TAOK3: variants seen among roughly 807,000 people sequenced by gnomAD.
TAOK3 encodes TAO kinase 3.
A neutral mutation model predicts 120.4 loss-of-function variants in TAOK3; 40 were observed. That is an observed-to-expected ratio of 0.33 (90% CI 0.26 to 0.43). The LOEUF (loss-of-function observed/expected upper bound fraction) is 0.43, where lower values mean the gene tolerates loss of function less well. Ranked by LOEUF, TAOK3 falls within the 20% of genes least tolerant of loss-of-function variation. TAOK3 has a pLI of 1.00. For synonymous variants in TAOK3, 355 were observed against 387.5 expected (o/e 0.92, Z 0.99); for missense variants, 821 against 1,112.1 (o/e 0.74, Z 3.72).
At chr12:118,180,785 T>C (rs1593063514) in intron 15 of TAOK3, among the ~76,000 whole-genome samples, 2 of 152,138 alleles carry the variant, frequency 1.3e-5, no homozygotes, top group South Asian at 4.1e-4. Flanking sequence ...AAGCATCTTG[T>C]TTCCCTTTAC....
At chr12:118,340,944 A>G (rs1409751610) in intron 1 of TAOK3, among the ~76,000 whole-genome samples, 3 of 151,998 alleles carry the variant, frequency 2.0e-5, no homozygotes, top group Non-Finnish European at 4.4e-5. Context: ...CCTGTCTCAA[A>G]AGAACAAAAA....
chr12:118,178,944 A>T (rs1003122758), intron 15 of TAOK3, among the ~76,000 whole-genome samples: 1 of 152,214 alleles, frequency 6.6e-6, no homozygotes, highest in Admixed American at 6.5e-5. Flanking sequence ...TAGAGGGGGA[A>T]TTATGCTTCA....
chr12:118,302,017 T>G (rs533273929), intron 1 of TAOK3, among the ~76,000 whole-genome samples: 1 of 152,314 alleles, frequency 6.6e-6, no homozygotes, highest in South Asian at 2.1e-4. Flanking sequence ...AAAATGCCTC[T>G]TTTAGAATAT....
intron 11 of TAOK3, 103 bp from the exon 12 acceptor site, chr12:118,201,566 G>A (rs2038026609): frequency 6.3e-6 from 6 of 957,632 alleles, no homozygotes; most frequent in Non-Finnish European, 8.6e-6. Flanking sequence ...TAGTTCTATG[G>A]ATATTACAGA....
intron 12 of TAOK3, 39 bp from the exon 13 acceptor site, chr12:118,199,296 A>T: frequency 6.7e-7 from 1 of 1,495,424 alleles, no homozygotes; most frequent in African/African-American, 1.4e-5. Flanking sequence ...AAAAAGACTG[A>T]AGATAAAGAG....
chr12:118,334,579 A>C (rs2044283763), intron 1 of TAOK3, among the ~76,000 whole-genome samples: 1 of 152,144 alleles, frequency 6.6e-6, no homozygotes, highest in Non-Finnish European at 1.5e-5. Context: ...TGGATACTGA[A>C]AAATTTGTTT....
chr12:118,188,801 A>G (rs1246406483), intron 14 of TAOK3, among the ~76,000 whole-genome samples: 1 of 152,218 alleles, frequency 6.6e-6, no homozygotes, highest in Non-Finnish European at 1.5e-5. Flanking sequence ...CTTCCTGCCC[A>G]TGTGACCTCT....
intron 1 of TAOK3, among the ~76,000 whole-genome samples, chr12:118,290,583 G>T (rs2042433946): frequency 6.6e-6 from 1 of 152,084 alleles, no homozygotes; most frequent in Admixed American, 6.6e-5. Context: ...TTAGGAATCT[G>T]ATTTATTTAT....
chr12:118,347,670 C>A (rs2044926714), intron 1 of TAOK3, among the ~76,000 whole-genome samples: 1 of 152,200 alleles, frequency 6.6e-6, no homozygotes, highest in African/African-American at 2.4e-5. Flanking sequence ...CTTCTCTCAA[C>A]CTCTTAACAC....
chr12:118,303,610 G>A (rs759389579), intron 1 of TAOK3, among the ~76,000 whole-genome samples: 5 of 152,114 alleles, frequency 3.3e-5, no homozygotes, highest in Non-Finnish European at 7.4e-5. Flanking sequence ...TTGAAGGGGA[G>A]CACTGCATAT....
In TAOK3 at chr12:118,161,454, T is replaced by C. The variant is rs940012870; in HGVS notation, c.2139+334A>G. Among the ~76,000 whole-genome samples, 3 of 152,362 alleles carry C rather than the reference T, an allele frequency of 2.0e-5. No individual in the cohort carries two copies. The highest frequency in any genetic ancestry group is 1.9e-4 in the East Asian group (1 of 5,190). ...CAGTGCTCAAAGTACCTAACACCAA[T>C]AGAACTTCCTTATTTCCTGGGATTA... On this transcript the variant is annotated intron_variant, in intron 18 of 20. Transcript: ENST00000392533. The surrounding 1 kb of genome is among the most constrained non-coding windows in gnomAD (Gnocchi z 4.5).
At chr12:118,246,722 G>A in intron 3 of TAOK3, 3 of 1,588,626 alleles carry the variant, frequency 1.9e-6, no homozygotes, top group Non-Finnish European at 2.6e-6. Flanking sequence ...CTAAGAAGCT[G>A]CTCATGATGG....
intron 1 of TAOK3, among the ~76,000 whole-genome samples, chr12:118,309,806 A>G (rs12320636): frequency 0.051 from 7,675 of 151,850 alleles, 580 homozygotes; most frequent in African/African-American, 0.17. Flanking sequence ...CTGAGTCATC[A>G]GGCCCCGCCA....
intron 1 of TAOK3, among the ~76,000 whole-genome samples, chr12:118,332,521 T>A (rs2044194560): frequency 6.6e-6 from 1 of 152,194 alleles, no homozygotes; most frequent in African/African-American, 2.4e-5. Context: ...GGCACCTATA[T>A]CTTGTACTTC....
intron 20 of TAOK3, 110 bp from the exon 21 acceptor site, chr12:118,151,268 A>T: frequency 9.5e-7 from 1 of 1,055,022 alleles, no homozygotes. Flanking sequence ...ACATAGGCAC[A>T]CACATGAAGT....
At chr12:118,367,817 A>G (rs2045781878) in intron 1 of TAOK3, among the ~76,000 whole-genome samples, 1 of 151,942 alleles carries the variant, frequency 6.6e-6, no homozygotes. Flanking sequence ...AATGAAAACT[A>G]GGGAAAAAAT....
At chr12:118,268,322 T>C (rs998990838) in intron 1 of TAOK3, among the ~76,000 whole-genome samples, 6 of 152,202 alleles carry the variant, frequency 3.9e-5, no homozygotes, top group African/African-American at 1.4e-4. Context: ...AATATAACAA[T>C]TTAAAACCTA....
At chr12:118,198,656 G>T (rs2037868205) in intron 13 of TAOK3, 1 of 232,214 alleles carries the variant, frequency 4.3e-6, no homozygotes, top group Non-Finnish European at 8.7e-6. Flanking sequence ...CAAAGGGCTG[G>T]GATTACAGAT....
intron 3 of TAOK3, chr12:118,246,108 G>A (rs181887422): frequency 1.6e-5 from 21 of 1,327,880 alleles, no homozygotes; most frequent in Non-Finnish European, 1.9e-5. Context: ...CGGTGCAGCG[G>A]GGGGGCACGG....
Sources: allele counts gnomAD v4.1 joint callset (sites outside exome capture counted in the v4.1 genomes callset), GRCh38; gene constraint gnomAD v4.1.1; non-coding constraint Gnocchi (gnomAD v3.1); transcripts MANE v1.5; gene names NCBI Gene and HGNC (gene_info 2026-07-23, HGNC 2026-07-21).